Variants in RAD51AP1 observed in about 807,000 individuals in gnomAD.
The protein encoded by RAD51AP1 is RAD51 associated protein 1.
Under a neutral mutation model 34.3 loss-of-function variants are expected in RAD51AP1, and 14 were observed. The observed-to-expected ratio is 0.41, with a 90% confidence interval of 0.27 to 0.64. The LOEUF (loss-of-function observed/expected upper bound fraction) is 0.64. RAD51AP1 is among the 30% of genes least tolerant of loss of function. The pLI, the probability that RAD51AP1 is intolerant of heterozygous loss-of-function variation, is 0.33. For synonymous variants in RAD51AP1, 114 were observed against 129.8 expected (o/e 0.88, Z 0.83); for missense variants, 348 against 386.9 (o/e 0.90, Z 0.84).
intron 2 of RAD51AP1, 125 bp downstream of exon 2, chr12:4,542,058 T>C (rs939548157): frequency 3.2e-5 from 15 of 468,190 alleles, no homozygotes; most frequent in Middle Eastern, 4.9e-4. Context: ...TCTGGAAAGA[T>C]AGTTTTCTAA....
Position 4,552,189 on chromosome 12 carries a change from T to C in RAD51AP1, c.557-794T>C, listed in dbSNP as rs570316238. Among the ~76,000 whole-genome samples the C allele has an allele frequency of 4.5e-4, 69 of 152,344 alleles. No homozygotes were observed. In the East Asian group the frequency reaches 5.6e-3, roughly 12 times the overall value. ...AAAATGTAAAAAAGTTTTATATTAATATAGGACTAACCCTATTTACACTTA... is the reference window on the plus strand; with the variant it reads ...AAAATGTAAAAAAGTTTTATATTAACATAGGACTAACCCTATTTACACTTA... On this transcript the variant is annotated intron_variant, in intron 6 of 8. Coordinates refer to ENST00000352618, the MANE Select transcript of RAD51AP1 (RefSeq NM_006479.5).
chr12:4,541,302 A>T (rs998454099), intron 1 of RAD51AP1, among the ~76,000 whole-genome samples: 1 of 152,190 alleles, frequency 6.6e-6, no homozygotes, highest in Non-Finnish European at 1.5e-5. Flanking sequence ...CAGATAAGGG[A>T]TACTCATCTC....
intron 4 of RAD51AP1, among the ~76,000 whole-genome samples, 173 bp downstream of exon 4, chr12:4,546,591 C>T (rs1206775205): frequency 6.6e-6 from 1 of 152,168 alleles, no homozygotes. Context: ...CTGCCTAAAT[C>T]TCATACAAAC....
At chr12:4,550,097 C>T (rs889478457) in intron 6 of RAD51AP1, among the ~76,000 whole-genome samples, 1 of 152,110 alleles carries the variant, frequency 6.6e-6, no homozygotes, top group Non-Finnish European at 1.5e-5. Flanking sequence ...TCCCAAAATC[C>T]GTAACTGAAG....
chr12:4,548,636 ATATCAG>A, intron 5 of RAD51AP1, 45 bp from the exon 6 acceptor site: 1 of 1,578,078 alleles, frequency 6.3e-7, no homozygotes, highest in South Asian at 1.1e-5. Context: ...AGTTCTTGAA[ATATCAG>A]TTGTCACAGA....
intron 1 of RAD51AP1, among the ~76,000 whole-genome samples, chr12:4,541,105 C>T (rs1345533405): frequency 2.6e-5 from 4 of 152,196 alleles, no homozygotes; most frequent in South Asian, 4.1e-4. Context: ...TTGAGCATCC[C>T]AAATTTGAAA....
At chr12:4,557,400 T>C (rs1944590174) in intron 8 of RAD51AP1, among the ~76,000 whole-genome samples, 1 of 152,206 alleles carries the variant, frequency 6.6e-6, no homozygotes, top group Non-Finnish European at 1.5e-5. Context: ...TTACTTAACT[T>C]ACAGAGTCTT....
intron 7 of RAD51AP1, among the ~76,000 whole-genome samples, chr12:4,554,098 A>G (rs555619772): frequency 6.6e-6 from 1 of 152,108 alleles, no homozygotes; most frequent in African/African-American, 2.4e-5. Flanking sequence ...TCTGAGTATC[A>G]GAAGTCGAAA....
In RAD51AP1 at chr12:4,559,946, TA is replaced by T. The variant is rs1211898351; in HGVS notation, c.*959del. On this transcript the variant is annotated 3_prime_UTR_variant, in exon 9 of 9. Transcript: ENST00000352618. ...AAAATTTTCAAATCATGTTAGCTGT[TA>T]AAAAATGTATAATAACTCAGTTTTT... The T allele has an allele frequency of 6.6e-6, 1 of 152,218 alleles. No individual in the cohort carries two copies. The highest frequency in any genetic ancestry group is 2.1e-4 in the South Asian group (1 of 4,832). The allele number at this position is 152,218 out of a possible 1,614,324, so 9.4% of individuals were successfully genotyped here. A position where few individuals can be genotyped will look rare whatever the true frequency, so the allele number is the denominator to read the frequency against.
chr12:4,548,287 C>T (rs1944521466), intron 5 of RAD51AP1, 109 bp downstream of exon 5: 1 of 1,392,574 alleles, frequency 7.2e-7, no homozygotes, highest in Admixed American at 2.5e-5. Flanking sequence ...TTTGTCAAGA[C>T]TCTCTTGATG....
chr12:4,541,743 A>AT (rs1230305303), intron 1 of RAD51AP1, 141 bp from the exon 2 acceptor site: 8 of 276,260 alleles, frequency 2.9e-5, no homozygotes, highest in African/African-American at 1.8e-4. Context: ...CATTTAACAC[A>AT]TTTTTATTTA....
intron 8 of RAD51AP1, among the ~76,000 whole-genome samples, chr12:4,558,444 T>C (rs1405680831): frequency 6.6e-6 from 1 of 152,226 alleles, no homozygotes; most frequent in Non-Finnish European, 1.5e-5. Flanking sequence ...TAACAATATT[T>C]GCCATTTTTA....
intron 7 of RAD51AP1, chr12:4,553,351 T>C (rs1944560410): frequency 3.1e-6 from 1 of 327,866 alleles, no homozygotes; most frequent in Non-Finnish European, 5.5e-6. Flanking sequence ...ACTTACTGTA[T>C]ATGACCTCAC....
At chr12:4,548,504 G>GTGTT (rs1944523042) in intron 5 of RAD51AP1, among the ~76,000 whole-genome samples, 183 bp from the exon 6 acceptor site, 1 of 152,188 alleles carries the variant, frequency 6.6e-6, no homozygotes. Flanking sequence ...AAAACTAGAG[G>GTGTT]TGTTCCCAGG....
intron 7 of RAD51AP1, among the ~76,000 whole-genome samples, chr12:4,555,242 A>G (rs1944574009): frequency 6.6e-6 from 1 of 152,204 alleles, no homozygotes; most frequent in Non-Finnish European, 1.5e-5. Flanking sequence ...TATTCTCTAG[A>G]TAAATGGCAC....
At position 4,548,837 on chromosome 12, in the gene RAD51AP1, G is replaced by A. The variant is rs750967468; in HGVS notation, c.556+1G>A. ...GACACTGAACCAGACTTTGCACCTGGTAGGTTTTATTCTACTTCGAAATTA... is the reference window on the plus strand; with the variant it reads ...GACACTGAACCAGACTTTGCACCTGATAGGTTTTATTCTACTTCGAAATTA... On this transcript the variant is annotated splice_donor_variant, in intron 6 of 8. Transcript: ENST00000352618. LOFTEE classifies it high-confidence loss of function. The A allele has an allele frequency of 1.9e-6, 3 of 1,609,424 alleles. No homozygotes were observed. Among genetic ancestry groups the A allele is most frequent in the Non-Finnish European group, 2.5e-6 (3 of 1,178,804 alleles).
chr12:4,548,014 C>T, intron 4 of RAD51AP1, 78 bp from the exon 5 acceptor site: 1 of 1,383,036 alleles, frequency 7.2e-7, no homozygotes, highest in Non-Finnish European at 9.8e-7. Flanking sequence ...AATGCTATTA[C>T]ATTTTAGTAC....
At chr12:4,543,012 T>C (rs532402147) in intron 2 of RAD51AP1, among the ~76,000 whole-genome samples, 1 of 152,350 alleles carries the variant, frequency 6.6e-6, no homozygotes, top group East Asian at 1.9e-4. Context: ...CCCCCCATAA[T>C]GCTTATTTCC....
chr12:4,559,917 A>G lies in RAD51AP1; in HGVS notation c.*924A>G, dbSNP rs530450409. ...TCAACTAGCTTCTGATCAATTTTTAATAAAAAATTTTCAAATCATGTTAGC... is the reference window on the plus strand; with the variant it reads ...TCAACTAGCTTCTGATCAATTTTTAGTAAAAAATTTTCAAATCATGTTAGC... On this transcript the variant is annotated 3_prime_UTR_variant, in exon 9 of 9. Transcript: ENST00000352618. 1.3e-5 allele frequency: 2 copies of G among 152,326 alleles called. No individual in the cohort carries two copies. The highest frequency in any genetic ancestry group is 3.8e-4 in the East Asian group (2 of 5,196). The allele number at this position is 152,326 out of a possible 1,614,324, so 9.4% of individuals were successfully genotyped here.
Sources: gnomAD v4.1 joint callset for allele counts (sites outside exome capture counted in the v4.1 genomes callset) on GRCh38, gnomAD v4.1.1 for gene constraint, MANE v1.5 for transcripts, NCBI Gene and HGNC (gene_info 2026-07-23, HGNC 2026-07-21) for gene names.